Variants in PRKCB observed in about 807,000 individuals in gnomAD.
PRKCB encodes protein kinase C beta type.
In PRKCB, 13 loss-of-function variants were observed where a neutral mutation model predicts 81.5. That is an observed-to-expected ratio of 0.16 (90% CI 0.10 to 0.25). The LOEUF is 0.25. PRKCB is among the 10% of genes least tolerant of loss of function. The pLI, the probability that PRKCB is intolerant of heterozygous loss-of-function variation, is 1.00. For missense variants in PRKCB, 509 were observed against 875.7 expected (o/e 0.58, Z 5.29); for synonymous variants, 335 against 321.4 (o/e 1.04, Z -0.45).
At chr16:23,862,025 C>G (rs1962675337) in intron 2 of PRKCB, among the ~76,000 whole-genome samples, 1 of 152,190 alleles carries the variant, frequency 6.6e-6, no homozygotes, top group African/African-American at 2.4e-5. Context: ...GCTCCTCCCC[C>G]TTTTTTCCTG....
chr16:23,955,030 A>C (rs1434513805), intron 2 of PRKCB, among the ~76,000 whole-genome samples: 2 of 152,202 alleles, frequency 1.3e-5, no homozygotes, highest in Non-Finnish European at 2.9e-5. Context: ...CTTGGGATGC[A>C]GGGGAGCTTA....
intron 8 of PRKCB, among the ~76,000 whole-genome samples, chr16:24,120,209 G>A (rs929572902): frequency 5.3e-5 from 8 of 152,090 alleles, no homozygotes; most frequent in African/African-American, 9.7e-5. Context: ...TGCGGGGGGC[G>A]TCGACTGGGA....
chr16:23,933,856 C>A (rs1365516763), intron 2 of PRKCB, among the ~76,000 whole-genome samples: 1 of 139,898 alleles, frequency 7.1e-6, no homozygotes, highest in Non-Finnish European at 1.5e-5. Context: ...ATCCATCCAT[C>A]CATCCATCCA....
At chr16:23,900,237 G>A (rs994797833) in intron 2 of PRKCB, among the ~76,000 whole-genome samples, 5 of 152,058 alleles carry the variant, frequency 3.3e-5, no homozygotes, top group African/African-American at 1.2e-4. Context: ...TGATCTAACT[G>A]CTTATGACAT....
At chr16:24,170,237 G>T (rs1057313932) in intron 10 of PRKCB, among the ~76,000 whole-genome samples, 1 of 151,966 alleles carries the variant, frequency 6.6e-6, no homozygotes, top group Non-Finnish European at 1.5e-5. Context: ...TACCTAGTAG[G>T]ACTCTGTAAA....
intron 7 of PRKCB, among the ~76,000 whole-genome samples, chr16:24,095,321 AG>A (rs1966426608): frequency 6.6e-6 from 1 of 152,148 alleles, no homozygotes; most frequent in African/African-American, 2.4e-5. Flanking sequence ...TAGTTTGGCA[AG>A]GAGTAGGGTG....
chr16:23,965,281 A>G (rs1311724697), intron 2 of PRKCB, among the ~76,000 whole-genome samples: 1 of 152,226 alleles, frequency 6.6e-6, no homozygotes, highest in Non-Finnish European at 1.5e-5. Context: ...CACTTAGGAT[A>G]GTGGCCTCCA....
intron 15 of PRKCB, among the ~76,000 whole-genome samples, chr16:24,186,111 A>C (rs1967700537): frequency 6.6e-6 from 1 of 152,232 alleles, no homozygotes. Flanking sequence ...CTAAAAGGGC[A>C]TGCACGCTTG....
At chr16:23,938,823 G>A (rs932845505) in intron 2 of PRKCB, among the ~76,000 whole-genome samples, 11 of 152,138 alleles carry the variant, frequency 7.2e-5, no homozygotes, top group African/African-American at 2.7e-4. Flanking sequence ...ACCCTGGGAC[G>A]TGTTCAACAT....
intron 9 of PRKCB, among the ~76,000 whole-genome samples, chr16:24,139,523 A>G (rs750402367): frequency 3.9e-5 from 6 of 152,162 alleles, no homozygotes; most frequent in Non-Finnish European, 5.9e-5. Flanking sequence ...TTGCTTAACA[A>G]TAGCAAGTCC....
chr16:23,909,332 A>G (rs1289769367), intron 2 of PRKCB, among the ~76,000 whole-genome samples: 2 of 152,132 alleles, frequency 1.3e-5, no homozygotes, highest in Admixed American at 6.5e-5. Flanking sequence ...AGTGACGGAA[A>G]TGTATTTTCT....
intron 2 of PRKCB, among the ~76,000 whole-genome samples, chr16:23,957,413 T>A (rs1001246521): frequency 6.6e-6 from 1 of 152,224 alleles, no homozygotes; most frequent in Non-Finnish European, 1.5e-5. Flanking sequence ...TGTTGTTTTC[T>A]GCCTCTTTAT....
intron 2 of PRKCB, among the ~76,000 whole-genome samples, chr16:23,883,407 T>A (rs570653434): frequency 1.3e-5 from 2 of 152,198 alleles, no homozygotes; most frequent in African/African-American, 4.8e-5. Flanking sequence ...TCCTTGTTGC[T>A]GGGGCGTGGT....
intron 5 of PRKCB, among the ~76,000 whole-genome samples, chr16:24,060,056 C>T (rs1209956065): frequency 6.6e-6 from 1 of 152,142 alleles, no homozygotes; most frequent in Non-Finnish European, 1.5e-5. Context: ...GAAGTTATTT[C>T]TGAGAGGCAT....
At chr16:24,191,385 T>G (rs1226616591) in intron 16 of PRKCB, 155 bp downstream of exon 16, 2 of 785,912 alleles carry the variant, frequency 2.5e-6, no homozygotes, top group Non-Finnish European at 4.0e-6. Context: ...AATCACTGGT[T>G]ACTAAGATGG....
Position 24,215,973 on chromosome 16 carries a change from C to T in PRKCB, c.*1157C>T. 2.0e-6 allele frequency: 2 copies of T among 976,146 alleles called. No homozygotes were observed. The highest frequency in any genetic ancestry group is 2.4e-6 in the Non-Finnish European group (2 of 826,832). The allele number at this position is 976,146 out of a possible 1,614,324, so 60.5% of individuals were successfully genotyped here. Reference sequence around the variant, plus strand: ...CTGTTATGTGCCATTTTTCTTCTAGCATCGAGATACAATAAAAAAAAAAAA... The same window carrying T: ...CTGTTATGTGCCATTTTTCTTCTAGTATCGAGATACAATAAAAAAAAAAAA... On this transcript the variant is annotated 3_prime_UTR_variant, in exon 17 of 17. Transcript: ENST00000643927.
intron 16 of PRKCB, among the ~76,000 whole-genome samples, chr16:24,214,142 T>C (rs1968187646): frequency 6.6e-6 from 1 of 152,088 alleles, no homozygotes. Context: ...TTCTGTTGAG[T>C]TGGAAAACAT....
At chr16:23,844,959 G>A (rs1042443155) in intron 2 of PRKCB, among the ~76,000 whole-genome samples, 4 of 151,894 alleles carry the variant, frequency 2.6e-5, no homozygotes, top group South Asian at 2.1e-4. Flanking sequence ...CCACCACCTC[G>A]CCCAGCTAAT....
At chr16:24,091,684 C>T (rs1224117746) in intron 5 of PRKCB, among the ~76,000 whole-genome samples, 3 of 152,128 alleles carry the variant, frequency 2.0e-5, no homozygotes, top group Non-Finnish European at 4.4e-5. Flanking sequence ...GATCTTGGCT[C>T]ACTGCAAGCT....
Sources: gnomAD v4.1 joint callset for allele counts (sites outside exome capture counted in the v4.1 genomes callset) on GRCh38, gnomAD v4.1.1 for gene constraint, MANE v1.5 for transcripts, NCBI Gene and HGNC (gene_info 2026-07-23, HGNC 2026-07-21) for gene names.